Variants in AOPEP observed in about 807,000 individuals in gnomAD.
The protein encoded by AOPEP is aminopeptidase O.
In AOPEP, 77 loss-of-function variants were observed where a neutral mutation model predicts 98.1. That is an observed-to-expected ratio of 0.78 (90% CI 0.65 to 0.95). AOPEP has a LOEUF of 0.95. Among genes scored for constraint, AOPEP ranks in the 40% least tolerant of loss-of-function variants. The pLI is 0.00. For missense variants in AOPEP, 1,024 were observed against 1,024.7 expected, an observed-to-expected ratio of 1.00 and a Z score of 0.01; for synonymous variants, 346 against 365.3, an observed-to-expected ratio of 0.95 and a Z score of 0.60.
intron 5 of AOPEP, chr9:94,824,250 CT>C (rs1554727842): frequency 6.6e-6 from 1 of 152,190 alleles, no homozygotes; most frequent in Non-Finnish European, 1.5e-5. Flanking sequence ...AGCCTTTAGT[CT>C]TTAGTTTTGC....
intron 10 of AOPEP, among the ~76,000 whole-genome samples, chr9:94,968,006 A>C (rs936943407): frequency 1.3e-5 from 2 of 152,152 alleles, no homozygotes; most frequent in African/African-American, 2.4e-5. Flanking sequence ...AGTGTGCACG[A>C]CTGAAGATCC....
intron 5 of AOPEP, among the ~76,000 whole-genome samples, chr9:94,923,173 C>T (rs1463704521): frequency 6.6e-6 from 1 of 152,076 alleles, no homozygotes; most frequent in Non-Finnish European, 1.5e-5. Context: ...TTTGATGGGC[C>T]TCTTTCGTCA....
intron 5 of AOPEP, among the ~76,000 whole-genome samples, chr9:94,835,737 G>C (rs2041514658): frequency 6.6e-6 from 1 of 152,208 alleles, no homozygotes; most frequent in African/African-American, 2.4e-5. Context: ...AGTTGAAGTG[G>C]TATCTATGCA....
chr9:94,875,691 G>A (rs1025988120), intron 5 of AOPEP, among the ~76,000 whole-genome samples: 2 of 152,212 alleles, frequency 1.3e-5, no homozygotes, highest in African/African-American at 4.8e-5. Context: ...TGAAGTAGGT[G>A]AGTACGTATG....
rs146560738 is a variant in AOPEP at position 94,760,348 on chromosome 9, C to T, written c.565C>T (p.Arg189Cys). ...VSEEFRNQIV[R>C]ELVTLPANRW... is the part of the protein sequence containing the mutation. Reference sequence around the variant, plus strand: ...TGAGGAGTTCAGGAATCAGATTGTACGTGAACTTGTGACTTTGCCTGCAAA... The same window carrying T: ...TGAGGAGTTCAGGAATCAGATTGTATGTGAACTTGTGACTTTGCCTGCAAA... Residue 189 changes from arginine (R) to cysteine (C), a missense_variant, in exon 2 of 17, where the codon CGT becomes TGT. This residue lies in a region of AOPEP where 440 missense variants were observed against 433.8 expected (regional missense o/e 1.01). Transcript: ENST00000375315. The T allele has an allele frequency of 2.4e-5, 39 of 1,614,016 alleles. No individual in the cohort carries two copies. Among genetic ancestry groups the T allele is most frequent in the African/African-American group, 8.0e-5 (6 of 74,902 alleles).
chr9:95,117,442 G>A, the AOPEP span: 1 of 1,502,564 alleles, frequency 6.7e-7, no homozygotes, highest in African/African-American at 1.4e-5. Context: ...TTGAAACGGG[G>A]TCAGGAAAAT....
intron 5 of AOPEP, among the ~76,000 whole-genome samples, chr9:94,893,699 T>C (rs568385969): frequency 2.6e-5 from 4 of 152,202 alleles, no homozygotes; most frequent in Non-Finnish European, 5.9e-5. Context: ...CTACCTTTAC[T>C]GAACAACAGC....
chr9:94,937,474 GC>G (rs1397080099), intron 7 of AOPEP, among the ~76,000 whole-genome samples: 3 of 152,124 alleles, frequency 2.0e-5, no homozygotes, highest in Non-Finnish European at 2.9e-5. Context: ...ACCCCTTGAA[GC>G]CCTCAACTGC....
intron 13 of AOPEP, among the ~76,000 whole-genome samples, chr9:95,053,602 T>C (rs1001051723): frequency 2.0e-5 from 3 of 152,246 alleles, no homozygotes; most frequent in African/African-American, 7.2e-5. Flanking sequence ...TCACTGTTTG[T>C]AAATTAGGAA....
At chr9:95,084,460 C>T (rs1358100817) in intron 16 of AOPEP, among the ~76,000 whole-genome samples, 1 of 152,184 alleles carries the variant, frequency 6.6e-6, no homozygotes, top group Non-Finnish European at 1.5e-5. Flanking sequence ...GACGGGCTGG[C>T]GGCACACAGA....
chr9:95,048,537 G>C (rs1243620590), intron 13 of AOPEP, among the ~76,000 whole-genome samples: 1 of 152,034 alleles, frequency 6.6e-6, no homozygotes, highest in African/African-American at 2.4e-5. Context: ...TGACAGCACC[G>C]GGACCGACCA....
intron 3 of AOPEP, among the ~76,000 whole-genome samples, chr9:94,791,954 T>G (rs1845825218): frequency 6.6e-6 from 1 of 152,250 alleles, no homozygotes; most frequent in Non-Finnish European, 1.5e-5. Context: ...ATGAAAATTA[T>G]TTTTACATCT....
At chr9:95,095,749 G>A in the AOPEP span, among the ~76,000 whole-genome samples, 1 of 150,744 alleles carries the variant, frequency 6.6e-6, no homozygotes, top group Non-Finnish European at 1.5e-5. Context: ...CTTGGGTCCC[G>A]CCCCCTCTTC....
chr9:95,051,897 G>A (rs1352497728), intron 13 of AOPEP, among the ~76,000 whole-genome samples: 1 of 152,032 alleles, frequency 6.6e-6, no homozygotes, highest in African/African-American at 2.4e-5. Context: ...TAGAGACAGG[G>A]TTTCACTGTG....
chr9:94,782,958 A>G (rs556875139), intron 3 of AOPEP, among the ~76,000 whole-genome samples: 2 of 152,346 alleles, frequency 1.3e-5, no homozygotes, highest in African/African-American at 2.4e-5. Flanking sequence ...GCAGGCATGT[A>G]TATACCAGTT....
At chr9:94,946,682 C>T (rs1204957658) in intron 7 of AOPEP, among the ~76,000 whole-genome samples, 1 of 152,352 alleles carries the variant, frequency 6.6e-6, no homozygotes, top group Middle Eastern at 3.4e-3. Context: ...GAAGGCTCTT[C>T]TTTCTTTTCC....
intron 1 of AOPEP, among the ~76,000 whole-genome samples, chr9:94,735,061 A>G (rs1643203743): frequency 6.6e-6 from 1 of 152,174 alleles, no homozygotes; most frequent in Non-Finnish European, 1.5e-5. Flanking sequence ...ATTAATATTT[A>G]TATATGCATT....
chr9:94,883,790 G>T (rs2047868014), intron 5 of AOPEP, among the ~76,000 whole-genome samples: 1 of 152,192 alleles, frequency 6.6e-6, no homozygotes, highest in Non-Finnish European at 1.5e-5. Flanking sequence ...GAGGATGTTA[G>T]TTTAAAATGT....
intron 7 of AOPEP, among the ~76,000 whole-genome samples, chr9:94,933,850 C>T (rs1002746125): frequency 1.3e-5 from 2 of 151,864 alleles, no homozygotes; most frequent in Non-Finnish European, 2.9e-5. Flanking sequence ...CATGTTCACG[C>T]CATTCTCCTG....
Sources: gnomAD v4.1 joint callset for allele counts (sites outside exome capture counted in the v4.1 genomes callset) on GRCh38, gnomAD v4.1.1 for gene constraint, gnomAD v4.1.1 regional missense constraint, MANE v1.5 for transcripts, NCBI Gene and HGNC (gene_info 2026-07-23, HGNC 2026-07-21) for gene names.